The following KRTAP13-1 variants were observed in gnomAD, a reference collection of about 807,000 sequenced individuals.
KRTAP13-1 encodes keratin associated protein 13-1.
For missense variants in KRTAP13-1, 200 were observed against 204.8 expected (o/e 0.98, Z 0.14); for synonymous variants, 104 against 85.3 (o/e 1.22, Z -1.21).
In KRTAP13-1 at chr21:30,396,683, T is replaced by A; in HGVS notation, c.*78T>A. The A allele has an allele frequency of 7.6e-7, 1 of 1,310,282 alleles. No individual in the cohort carries two copies. Among genetic ancestry groups the A allele is most frequent in the Non-Finnish European group, 1.1e-6 (1 of 951,182 alleles). 81.2% of individuals were successfully genotyped at this position (1,310,282 alleles called of 1,614,324 possible). A position where few individuals can be genotyped will look rare whatever the true frequency, so the allele number is the denominator to read the frequency against. ...CATAACCTTTATTGTCTTCATCATG[T>A]ACAGAAAGAATTAGCCTCTTATTCT... is the stretch of plus-strand genomic sequence containing the variant. On this transcript the variant is annotated 3_prime_UTR_variant, in exon 1 of 1. Transcript: ENST00000355459.
Position 30,396,309 on chromosome 21 carries a change from C to T in KRTAP13-1, c.223C>T (p.Pro75Ser), listed in dbSNP as rs574290651. ...SCQTSYVESS[P>S]CQTSCYRPRT... ...CCAGACATCCTATGTGGAGTCCAGC[C>T]CCTGCCAGACCTCCTGCTACCGTCC... Residue 75 changes from proline to serine, a missense_variant, in exon 1 of 1, where the codon CCC (proline) becomes TCC (serine). Coordinates refer to ENST00000355459, the MANE Select transcript of KRTAP13-1 (RefSeq NM_181599.3). The T allele has an allele frequency of 1.2e-6, 2 of 1,614,214 alleles. No individual in the cohort carries two copies. The highest frequency in any genetic ancestry group is 3.3e-5 in the Admixed American group (2 of 60,030).
chr21:30,396,367 CA>C, the KRTAP13-1 span: 1 of 1,614,136 alleles, frequency 6.2e-7, no homozygotes, highest in Non-Finnish European at 8.5e-7. Flanking sequence ...CCCTGCCAGA[CA>C]ACTTACTCTG....
chr21:30,396,371 T>C lies in KRTAP13-1; in HGVS notation c.285T>C (p.Thr95=). 2 of 1,614,210 alleles carry C rather than the reference T, an allele frequency of 1.2e-6. No homozygotes were observed. The highest frequency in any genetic ancestry group is 1.7e-6 in the Non-Finnish European group (2 of 1,180,032). The part of the protein sequence containing the change: ...TSLLCSPCQT[T]YSGSLGFGSS... ...TGCTCTGCAGTCCCTGCCAGACAAC[T>C]TACTCTGGGTCTCTAGGCTTTGGAT... is the stretch of plus-strand genomic sequence containing the variant. Residue 95 remains threonine, a synonymous_variant, in exon 1 of 1, where the codon ACT becomes ACC. Transcript: ENST00000355459.
chr21:30,396,670 T>C lies in KRTAP13-1; in HGVS notation c.*65T>C. 1 of 1,399,440 alleles carries C rather than the reference T, an allele frequency of 7.1e-7. No homozygotes were observed. The highest frequency in any genetic ancestry group is 9.8e-7 in the Non-Finnish European group (1 of 1,015,252). The allele number at this position is 1,399,440 out of a possible 1,614,324, so 86.7% of individuals were successfully genotyped here. A position where few individuals can be genotyped will look rare whatever the true frequency, so the allele number is the denominator to read the frequency against. On this transcript the variant is annotated 3_prime_UTR_variant, in exon 1 of 1. Coordinates refer to ENST00000355459, the MANE Select transcript of KRTAP13-1 (RefSeq NM_181599.3). Reference sequence around the variant, plus strand: ...CAATGCCTCTACTCATAACCTTTATTGTCTTCATCATGTACAGAAAGAATT... The same window carrying C: ...CAATGCCTCTACTCATAACCTTTATCGTCTTCATCATGTACAGAAAGAATT...
chr21:30,396,403 G>T lies in KRTAP13-1; in HGVS notation c.317G>T (p.Ser106Ile), dbSNP rs1318725087. 1.1e-5 allele frequency: 17 copies of T among 1,614,212 alleles called. No homozygotes were observed. Among genetic ancestry groups the T allele is most frequent in the Non-Finnish European group, 1.4e-5 (17 of 1,180,030 alleles). ...YSGSLGFGSS[S>I]CRSLGYGSRS... ...GGGTCTCTAGGCTTTGGATCCAGCA[G>T]CTGCCGCTCCCTGGGCTATGGATCG... is the stretch of plus-strand genomic sequence containing the variant. The change falls in exon 1 of 1, where the codon AGC (serine) becomes ATC (isoleucine). Residue 106 changes from serine (S) to isoleucine (I), a missense_variant. Ser to Ile is a moderately radical substitution (Grantham distance 142, BLOSUM62 -2). Coordinates refer to ENST00000355459, the MANE Select transcript of KRTAP13-1 (RefSeq NM_181599.3).
rs1983532898 is a variant in KRTAP13-1 at position 30,396,661 on chromosome 21, A to C, written c.*56A>C. The C allele has an allele frequency of 2.0e-6, 3 of 1,463,668 alleles. No homozygotes were observed. Among genetic ancestry groups the C allele is most frequent in the Non-Finnish European group, 2.8e-6 (3 of 1,060,942 alleles). The allele number at this position is 1,463,668 out of a possible 1,614,324, so 90.7% of individuals were successfully genotyped here. On this transcript the variant is annotated 3_prime_UTR_variant, in exon 1 of 1. Transcript: ENST00000355459. The stretch of plus-strand genomic sequence containing the variant: ...TAATGCCTTCAATGCCTCTACTCAT[A>C]ACCTTTATTGTCTTCATCATGTACA...
the KRTAP13-1 span, chr21:30,396,092 C>CTA: frequency 6.2e-7 from 1 of 1,610,074 alleles, no homozygotes; most frequent in Admixed American, 1.7e-5. Context: ...TCAACATGTC[C>CTA]TACAACTGCT....
In KRTAP13-1 at chr21:30,396,753, T is replaced by A; in HGVS notation, c.*148T>A. ...TTTGTCTTTGTCCCCAAATACTGGC[T>A]GGCAGGCTTCATCTGAAAAACTGTA... On this transcript the variant is annotated 3_prime_UTR_variant, in exon 1 of 1. Transcript: ENST00000355459. 1 of 748,408 alleles carries A rather than the reference T, an allele frequency of 1.3e-6. No individual in the cohort carries two copies. The highest frequency in any genetic ancestry group is 2.1e-6 in the Non-Finnish European group (1 of 472,876). The allele number at this position is 748,408 out of a possible 1,614,324, so 46.4% of individuals were successfully genotyped here.
At position 30,396,339 on chromosome 21, in the gene KRTAP13-1, A is replaced by G. The variant is rs1250289537; in HGVS notation, c.253A>G (p.Thr85Ala). ...CCAGACCTCCTGCTACCGTCCCAGA[A>G]CCTCCTTGCTCTGCAGTCCCTGCCA... ...PCQTSCYRPR[T>A]SLLCSPCQTT... Residue 85 changes from threonine to alanine, a missense_variant, in exon 1 of 1, where the codon ACC becomes GCC. By Grantham distance (58) the Thr-to-Ala change is moderately conservative. Coordinates refer to ENST00000355459, the MANE Select transcript of KRTAP13-1 (RefSeq NM_181599.3). 6.2e-7 allele frequency: 1 copy of G among 1,613,802 alleles called. No homozygotes were observed. The highest frequency in any genetic ancestry group is 1.7e-5 in the Admixed American group (1 of 59,988).
In KRTAP13-1 at chr21:30,396,614, T is replaced by A. The variant is rs761337521; in HGVS notation, c.*9T>A. 6.2e-7 allele frequency: 1 copy of A among 1,611,598 alleles called. No individual in the cohort carries two copies. Among genetic ancestry groups the A allele is most frequent in the South Asian group, 1.1e-5 (1 of 90,896 alleles). ...CAGGCTTCTACTATTGATCATCTTG[T>A]TAAATTGCTGATTTTGTTGGCTAAT... On this transcript the variant is annotated 3_prime_UTR_variant, in exon 1 of 1. Coordinates refer to ENST00000355459, the MANE Select transcript of KRTAP13-1 (RefSeq NM_181599.3).
At position 30,396,115 on chromosome 21, in the gene KRTAP13-1, T is replaced by A. The variant is rs551176407; in HGVS notation, c.29T>A (p.Phe10Tyr). 3.1e-6 allele frequency: 5 copies of A among 1,613,268 alleles called. No individual in the cohort carries two copies. In the African/African-American group the frequency reaches 5.3e-5, roughly 17 times the overall value. Residue 10 changes from phenylalanine (F) to tyrosine (Y), a missense_variant, in exon 1 of 1, where the codon TTC becomes TAC. Phe to Tyr is a conservative substitution (Grantham distance 22). Coordinates refer to ENST00000355459, the MANE Select transcript of KRTAP13-1 (RefSeq NM_181599.3). The part of the protein sequence containing the change: MSYNCCSGN[F>Y]SSRSCGGYLH... ...TCCTACAACTGCTGCTCTGGAAACT[T>A]CTCCTCCCGCTCCTGTGGTGGCTAC...
chr21:30,396,299 G>A lies in KRTAP13-1; in HGVS notation c.213G>A (p.Val71=), dbSNP rs775619574. The change falls in exon 1 of 1, where the codon GTG becomes GTA. Residue 71 remains valine, a synonymous_variant. Coordinates refer to ENST00000355459, the MANE Select transcript of KRTAP13-1 (RefSeq NM_181599.3). The part of the protein sequence containing the change: ...WEPTSCQTSY[V]ESSPCQTSCY... ...CCACCAGCTGCCAGACATCCTATGT[G>A]GAGTCCAGCCCCTGCCAGACCTCCT... 2 of 1,614,076 alleles carry A rather than the reference G, an allele frequency of 1.2e-6. No homozygotes were observed. Among genetic ancestry groups the A allele is most frequent in the Non-Finnish European group, 1.7e-6 (2 of 1,180,038 alleles).
At position 30,396,185 on chromosome 21, in the gene KRTAP13-1, C is replaced by T. The variant is rs376099874; in HGVS notation, c.99C>T (p.Asn33=). The T allele has an allele frequency of 5.9e-4, 955 of 1,613,888 alleles. 16 individuals are homozygous for T. In the South Asian group the frequency reaches 9.3e-3, roughly 16 times the overall value. ...CCTGTGGCTTTTCCTACCCCAGCAACCAGGTCTACAGCACTGACCTCTGCT... is the reference window on the plus strand; with the variant it reads ...CCTGTGGCTTTTCCTACCCCAGCAATCAGGTCTACAGCACTGACCTCTGCT... ...ASSCGFSYPS[N]QVYSTDLCSP... is the part of the protein sequence containing the mutation. The change falls in exon 1 of 1, where the codon AAC becomes AAT. Residue 33 remains asparagine, a synonymous_variant. Coordinates refer to ENST00000355459, the MANE Select transcript of KRTAP13-1 (RefSeq NM_181599.3).
rs1028375215 is a variant in KRTAP13-1, at chr21:30,396,492, G to A, written c.406G>A (p.Gly136Ser). 6.8e-6 allele frequency: 11 copies of A among 1,614,190 alleles called. No homozygotes were observed. The highest frequency in any genetic ancestry group is 8.5e-6 in the Non-Finnish European group (10 of 1,180,026). ...GFRSLGYGGC[G>S]FPSLGYGVGF... ...CAGATCCCTGGGTTATGGAGGCTGT[G>A]GCTTCCCTTCCCTGGGCTATGGCGT... The change falls in exon 1 of 1, where the codon GGC becomes AGC. Residue 136 changes from glycine to serine, a missense_variant. Gly to Ser is a moderately conservative substitution (Grantham distance 56). Coordinates refer to ENST00000355459, the MANE Select transcript of KRTAP13-1 (RefSeq NM_181599.3).
chr21:30,396,278 C>A lies in KRTAP13-1; in HGVS notation c.192C>A (p.Thr64=). The change falls in exon 1 of 1, where the codon ACC becomes ACA. Residue 64 remains threonine (T), a synonymous_variant. Transcript: ENST00000355459. ...GTCAGCAGACCTGCTGGGAGCCCACCAGCTGCCAGACATCCTATGTGGAGT... is the reference window on the plus strand; with the variant it reads ...GTCAGCAGACCTGCTGGGAGCCCACAAGCTGCCAGACATCCTATGTGGAGT... ...RGCQQTCWEP[T]SCQTSYVESS... 6.2e-7 allele frequency: 1 copy of A among 1,614,196 alleles called. No individual in the cohort carries two copies. Among genetic ancestry groups the A allele is most frequent in the South Asian group, 1.1e-5 (1 of 91,086 alleles).
rs761337521 is a variant in KRTAP13-1 at position 30,396,614 on chromosome 21, T to C, written c.*9T>C. The C allele has an allele frequency of 1.2e-6, 2 of 1,611,716 alleles. No homozygotes were observed. Among genetic ancestry groups the C allele is most frequent in the South Asian group, 2.2e-5 (2 of 90,892 alleles). ...CAGGCTTCTACTATTGATCATCTTG[T>C]TAAATTGCTGATTTTGTTGGCTAAT... On this transcript the variant is annotated 3_prime_UTR_variant, in exon 1 of 1. Coordinates refer to ENST00000355459, the MANE Select transcript of KRTAP13-1 (RefSeq NM_181599.3).
chr21:30,396,721 T>G lies in KRTAP13-1; in HGVS notation c.*116T>G. ...AGCCTCTTATTCTATAATTATCAAG[T>G]TCTCAGTTTGTCTTTGTCCCCAAAT... On this transcript the variant is annotated 3_prime_UTR_variant, in exon 1 of 1. Transcript: ENST00000355459. 1 of 1,058,294 alleles carries G rather than the reference T, an allele frequency of 9.4e-7. No individual in the cohort carries two copies. Among genetic ancestry groups the G allele is most frequent in the Non-Finnish European group, 1.3e-6 (1 of 745,174 alleles). 65.6% of individuals were successfully genotyped at this position (1,058,294 alleles called of 1,614,324 possible). A position where few individuals can be genotyped will look rare whatever the true frequency, so the allele number is the denominator to read the frequency against.
chr21:30,396,814 A>C lies in KRTAP13-1; in HGVS notation c.*209A>C, dbSNP rs1482054710. The C allele has an allele frequency of 1.8e-6, 1 of 552,116 alleles. No individual in the cohort carries two copies. Among genetic ancestry groups the C allele is most frequent in the Non-Finnish European group, 3.2e-6 (1 of 307,720 alleles). The allele number at this position is 552,116 out of a possible 1,614,324, so 34.2% of individuals were successfully genotyped here. A position where few individuals can be genotyped will look rare whatever the true frequency, so the allele number is the denominator to read the frequency against. On this transcript the variant is annotated 3_prime_UTR_variant, in exon 1 of 1. Transcript: ENST00000355459. Reference sequence around the variant, plus strand: ...TAGCTCAAAATAAATCTTGAAATACACATTAAAAGTAGAATTTATATTATT... The same window carrying C: ...TAGCTCAAAATAAATCTTGAAATACCCATTAAAAGTAGAATTTATATTATT...
rs1568838624 is a variant in KRTAP13-1, at chr21:30,396,476, G to A, written c.390G>A (p.Leu130=). ...GTGGGTCCAGTGGCTTCAGATCCCT[G>A]GGTTATGGAGGCTGTGGCTTCCCTT... ...VGCGSSGFRS[L]GYGGCGFPSL... Residue 130 remains leucine (L), a synonymous_variant, in exon 1 of 1, where the codon CTG becomes CTA. Transcript: ENST00000355459. The A allele has an allele frequency of 1.9e-6, 3 of 1,614,162 alleles. No homozygotes were observed. The highest frequency in any genetic ancestry group is 1.7e-6 in the Non-Finnish European group (2 of 1,180,026).
Sources: gnomAD v4.1 joint callset for allele counts on GRCh38, gnomAD v4.1.1 for gene constraint, MANE v1.5 for transcripts, NCBI Gene and HGNC (gene_info 2026-07-23, HGNC 2026-07-21) for gene names.